The following CSMD1 variants were observed in gnomAD, a reference collection of about 807,000 sequenced individuals.
CSMD1 encodes CUB and sushi domain-containing protein 1.
A neutral mutation model predicts 417.5 loss-of-function variants in CSMD1; 213 were observed. The ratio of observed to expected loss-of-function variants is 0.51; its 90% CI spans 0.46 to 0.57. The LOEUF is 0.57. CSMD1 is among the 20% of genes least tolerant of loss of function. The pLI is 0.00. For synonymous variants in CSMD1, 2,862 were observed against 1,736.8 expected (o/e 1.65, Z -16.11); for missense variants, 6,923 against 4,529.7 (o/e 1.53, Z -15.17).
At chr8:4,754,402 T>C (rs12677376) in intron 1 of CSMD1, among the ~76,000 whole-genome samples, 13,770 of 152,208 alleles carry the variant, frequency 0.09, 791 homozygotes, top group East Asian at 0.29. Context: ...TAGTGTCATA[T>C]CCCAACTGGG....
At chr8:4,155,780 G>A (rs994768191) in intron 3 of CSMD1, among the ~76,000 whole-genome samples, 1 of 152,048 alleles carries the variant, frequency 6.6e-6, no homozygotes, top group Non-Finnish European at 1.5e-5. Flanking sequence ...CCAGTAATTT[G>A]TGTATTAAGA....
intron 7 of CSMD1, among the ~76,000 whole-genome samples, chr8:3,656,220 T>C (rs1032869247): frequency 5.9e-5 from 9 of 152,042 alleles, no homozygotes; most frequent in Non-Finnish European, 8.8e-5. Context: ...CTGTTAGACA[T>C]AACCATGTGA....
At chr8:2,968,023 T>A (rs908020120) in intron 57 of CSMD1, among the ~76,000 whole-genome samples, 1 of 152,238 alleles carries the variant, frequency 6.6e-6, no homozygotes, top group Non-Finnish European at 1.5e-5. Flanking sequence ...CAACCCCTTC[T>A]AACACAGACC....
In CSMD1 at chr8:3,219,431, T is replaced by C; in HGVS notation, c.4496A>G (p.Glu1499Gly). Residue 1499 changes from glutamate to glycine, a missense_variant, in exon 29 of 70, where the codon GAG becomes GGG. Physicochemically the swap from Glu to Gly is moderately conservative, Grantham distance 98 (BLOSUM62 -2). Coordinates refer to ENST00000635120, the MANE Select transcript of CSMD1 (RefSeq NM_033225.6). ...IALIFKSFNM[E>G]PSYDFLHIYE... Reference sequence around the variant, plus strand: ...GATGTGTAGGAAGTCATAGCTGGGCTCCATGTTGAAACTAAAGAAAAGAAT... The same window carrying C: ...GATGTGTAGGAAGTCATAGCTGGGCCCCATGTTGAAACTAAAGAAAAGAAT... 1 of 1,495,666 alleles carries C rather than the reference T, an allele frequency of 6.7e-7. No homozygotes were observed. The highest frequency in any genetic ancestry group is 8.9e-7 in the Non-Finnish European group (1 of 1,122,724). 92.6% of individuals were successfully genotyped at this position (1,495,666 alleles called of 1,614,324 possible).
rs181562607 is a variant in CSMD1, at chr8:4,035,496, G to A, written c.416-3397C>T. Among the ~76,000 whole-genome samples the A allele has an allele frequency of 1.1e-4, 16 of 152,292 alleles. 1 individual carries two copies. Among genetic ancestry groups the A allele is most frequent in the African/African-American group, 3.9e-4 (16 of 41,550 alleles). ...CCTAGGAGATGAAAGCTCCATACCT[G>A]TCCTTGCCCCGAAGACCTTCTGGTG... is the stretch of plus-strand genomic sequence containing the variant. On this transcript the variant is annotated intron_variant, in intron 3 of 69. Coordinates refer to ENST00000635120, the MANE Select transcript of CSMD1 (RefSeq NM_033225.6).
At chr8:3,821,928 A>G (rs1374830984) in intron 5 of CSMD1, among the ~76,000 whole-genome samples, 1 of 152,196 alleles carries the variant, frequency 6.6e-6, no homozygotes, top group Non-Finnish European at 1.5e-5. Context: ...TGAAGACAAC[A>G]TGGAGAGGTT....
chr8:3,004,667 C>G (rs75402183), intron 52 of CSMD1, among the ~76,000 whole-genome samples: 1,699 of 152,294 alleles, frequency 0.011, 20 homozygotes, highest in Non-Finnish European at 0.017. Context: ...TACCACACTT[C>G]ATGAATTTTA....
At chr8:4,545,914 C>G (rs1246905073) in intron 2 of CSMD1, among the ~76,000 whole-genome samples, 1 of 152,164 alleles carries the variant, frequency 6.6e-6, no homozygotes, top group Non-Finnish European at 1.5e-5. Context: ...TCTCCATCAT[C>G]TAATCACATT....
chr8:4,298,490 T>A (rs1293660364), intron 3 of CSMD1, among the ~76,000 whole-genome samples: 1 of 152,132 alleles, frequency 6.6e-6, no homozygotes, highest in African/African-American at 2.4e-5. Context: ...ATTATTTGAG[T>A]AATGGATACC....
At chr8:4,391,033 T>C (rs1406408519) in intron 3 of CSMD1, among the ~76,000 whole-genome samples, 1 of 152,202 alleles carries the variant, frequency 6.6e-6, no homozygotes, top group Non-Finnish European at 1.5e-5. Flanking sequence ...AAGAATCATC[T>C]GGGATCCTGT....
At chr8:4,193,373 A>G (rs1271162084) in intron 3 of CSMD1, among the ~76,000 whole-genome samples, 1 of 152,256 alleles carries the variant, frequency 6.6e-6, no homozygotes, top group Admixed American at 6.5e-5. Flanking sequence ...GTTTAAATGT[A>G]CTGAGTATCA....
At chr8:4,298,065 T>C (rs942630532) in intron 3 of CSMD1, among the ~76,000 whole-genome samples, 6 of 152,146 alleles carry the variant, frequency 3.9e-5, no homozygotes, top group African/African-American at 7.2e-5. Flanking sequence ...CAGTACATGC[T>C]AGCGTCTCTC....
intron 40 of CSMD1, among the ~76,000 whole-genome samples, chr8:3,150,213 C>G (rs543276569): frequency 6.6e-6 from 1 of 152,282 alleles, no homozygotes; most frequent in Non-Finnish European, 1.5e-5. Context: ...CCGGGAGAAA[C>G]AGGGGCTCCT....
chr8:4,084,668 T>C (rs187962667), intron 3 of CSMD1, among the ~76,000 whole-genome samples: 24 of 152,118 alleles, frequency 1.6e-4, no homozygotes, highest in Admixed American at 6.6e-4. Context: ...GCAAGACCAG[T>C]AGGGAAAGCA....
At chr8:4,182,859 A>G (rs2131182738) in intron 3 of CSMD1, among the ~76,000 whole-genome samples, 1 of 152,340 alleles carries the variant, frequency 6.6e-6, no homozygotes, top group Admixed American at 6.5e-5. Context: ...AGAAATTAAT[A>G]GCATCAAACT....
chr8:3,071,187 T>A (rs6558711), intron 49 of CSMD1, among the ~76,000 whole-genome samples: 1 of 152,162 alleles, frequency 6.6e-6, no homozygotes, highest in African/African-American at 2.4e-5. Context: ...ACCTCCAGCA[T>A]TGGGCATTAC....
chr8:4,528,406 T>G (rs1796628369), intron 2 of CSMD1, among the ~76,000 whole-genome samples: 1 of 152,178 alleles, frequency 6.6e-6, no homozygotes, highest in Non-Finnish European at 1.5e-5. Flanking sequence ...AAGTGGAATA[T>G]GCAAAACACA....
chr8:4,064,391 CT>C lies in CSMD1; in HGVS notation c.416-32293del, dbSNP rs1299850768. Among the ~76,000 whole-genome samples the C allele has an allele frequency of 2.2e-4, 34 of 152,292 alleles. No individual in the cohort carries two copies. The East Asian group carries it at 4.6e-3, about 21-fold the overall frequency. On this transcript the variant is annotated intron_variant, in intron 3 of 69. Coordinates refer to ENST00000635120, the MANE Select transcript of CSMD1 (RefSeq NM_033225.6). ...AGGGTTTTCTGCAGTTGTTTTCTCC[CT>C]CAATGTTGAGAAGGTAGAGAATAAG...
chr8:4,224,473 C>G (rs528184507), intron 3 of CSMD1, among the ~76,000 whole-genome samples: 2 of 152,226 alleles, frequency 1.3e-5, no homozygotes, highest in East Asian at 1.9e-4. Flanking sequence ...AATAGTTGCT[C>G]TGACCCATCT....
Sources: allele counts gnomAD v4.1 joint callset (sites outside exome capture counted in the v4.1 genomes callset), GRCh38; gene constraint gnomAD v4.1.1; transcripts MANE v1.5; gene names NCBI Gene and HGNC (gene_info 2026-07-23, HGNC 2026-07-21).